Variants in ABHD6 observed in about 807,000 individuals in gnomAD.
ABHD6 encodes monoacylglycerol lipase ABHD6.
Under a neutral mutation model 38.8 loss-of-function variants are expected in ABHD6, and 33 were observed. The ratio of observed to expected loss-of-function variants is 0.85; its 90% confidence interval spans 0.64 to 1.14. ABHD6 has a LOEUF of 1.14. Among genes scored for constraint, ABHD6 ranks in the 50% most tolerant of loss-of-function variants. The pLI is 0.00. For synonymous variants in ABHD6, 147 were observed against 161.6 expected (o/e 0.91, Z 0.69); for missense variants, 380 against 422.6 (o/e 0.90, Z 0.88).
chr3:58,279,474 T>G (rs1423971795), intron 7 of ABHD6, among the ~76,000 whole-genome samples: 1 of 152,218 alleles, frequency 6.6e-6, no homozygotes, highest in Non-Finnish European at 1.5e-5. Context: ...CATCCCTTTA[T>G]TTTGAGCCTA....
Position 58,274,800 on chromosome 3 carries a change from C to T in ABHD6, c.666C>T (p.Phe222=), listed in dbSNP as rs2097447621. ...EMLQLCSYVR[F]KVPQQILQGL... ...TTCAGCTCTGCTCCTATGTCCGCTT[C>T]AAGGTGCCCCAGCAGGTAACGTGGT... Residue 222 remains phenylalanine, a synonymous_variant, in exon 7 of 10, where the codon TTC becomes TTT. Transcript: ENST00000478253. The T allele has an allele frequency of 1.2e-6, 2 of 1,613,826 alleles. No homozygotes were observed. Among genetic ancestry groups the T allele is most frequent in the African/African-American group, 2.7e-5 (2 of 74,942 alleles).
In ABHD6 at chr3:58,271,065, G is replaced by C. The variant is rs1163535970; in HGVS notation, c.523+1G>C. The C allele has an allele frequency of 6.3e-7, 1 of 1,594,406 alleles. No individual in the cohort carries two copies. The highest frequency in any genetic ancestry group is 8.5e-7 in the Non-Finnish European group (1 of 1,173,322). On this transcript the variant is annotated splice_donor_variant, in intron 6 of 9. Transcript: ENST00000478253. LOFTEE classifies it high-confidence loss of function. The stretch of plus-strand genomic sequence containing the variant: ...AGCCTGTGTCTCGTGTGTCCTGCTG[G>C]TAAGTTATGAAGCTGAAACATCCCT...
intron 3 of ABHD6, among the ~76,000 whole-genome samples, chr3:58,260,282 G>A (rs562041741): frequency 8.5e-5 from 13 of 152,340 alleles, no homozygotes; most frequent in African/African-American, 3.1e-4. Context: ...ACCCAGCTCA[G>A]TGCCGTGGCT....
rs983545946 is a variant in ABHD6, at chr3:58,293,298, T to C, written c.838-291T>C. The stretch of plus-strand genomic sequence containing the variant: ...CTGCTCATCCCCTGTGCTCTCTGAC[T>C]TCCCCACCATACCATAACCTCCTCA... On this transcript the variant is annotated intron_variant, in intron 9 of 9. Coordinates refer to ENST00000478253, the MANE Select transcript of ABHD6 (RefSeq NM_001320126.2). This position sits in a 1 kb window ranked among gnomAD's most constrained non-coding sequence, Gnocchi z 4.4. Among the ~76,000 whole-genome samples, 1 of 152,200 alleles carries C rather than the reference T, an allele frequency of 6.6e-6. No homozygotes were observed. Among genetic ancestry groups the C allele is most frequent in the Non-Finnish European group, 1.5e-5 (1 of 68,040 alleles).
intron 1 of ABHD6, among the ~76,000 whole-genome samples, chr3:58,249,052 T>C (rs775976421): frequency 1.3e-5 from 2 of 152,252 alleles, no homozygotes; most frequent in Non-Finnish European, 2.9e-5. Flanking sequence ...TTTGTTGTTA[T>C]TGGTCTTGAT....
chr3:58,257,755 T>C lies in ABHD6; in HGVS notation c.119+1050T>C, dbSNP rs1332706434. Among the ~76,000 whole-genome samples, 1 of 152,206 alleles carries C rather than the reference T, an allele frequency of 6.6e-6. No individual in the cohort carries two copies. Among genetic ancestry groups the C allele is most frequent in the African/African-American group, 2.4e-5 (1 of 41,442 alleles). ...AAAGACCAGAACCATTGAGATGGCA[T>C]GTTTAGGACAGAATGCTTTTAGAGT... On this transcript the variant is annotated intron_variant, in intron 3 of 9. Transcript: ENST00000478253. The surrounding 1 kb of genome is among the most constrained non-coding windows in gnomAD (Gnocchi z 4.8).
At position 58,293,467 on chromosome 3, in the gene ABHD6, A is replaced by G. The variant is rs1343573211; in HGVS notation, c.838-122A>G. 9.5e-7 allele frequency: 1 copy of G among 1,054,532 alleles called. No homozygotes were observed. The highest frequency in any genetic ancestry group is 2.7e-5 in the Admixed American group (1 of 36,880). The allele number at this position is 1,054,532 out of a possible 1,614,324, so 65.3% of individuals were successfully genotyped here. ...CCCAACACCAAAGGGACTTGGTCCT[A>G]AAATTCACATCCTCCTGCCCCACTG... On this transcript the variant is annotated intron_variant, in intron 9 of 9. Coordinates refer to ENST00000478253, the MANE Select transcript of ABHD6 (RefSeq NM_001320126.2). This position sits in a 1 kb window ranked among gnomAD's most constrained non-coding sequence, Gnocchi z 4.4.
intron 9 of ABHD6, among the ~76,000 whole-genome samples, chr3:58,290,151 G>T (rs2097460933): frequency 4.4e-5 from 5 of 113,618 alleles, no homozygotes; most frequent in East Asian, 3.0e-4. Flanking sequence ...GGACGGGGCG[G>T]CTGGCCGGGC....
intron 1 of ABHD6, among the ~76,000 whole-genome samples, chr3:58,243,518 C>G (rs2097424252): frequency 6.6e-6 from 1 of 151,702 alleles, no homozygotes; most frequent in Admixed American, 6.6e-5. Flanking sequence ...TGGGGGTAGA[C>G]AGAGGACGTC....
In ABHD6 at chr3:58,293,719, T is replaced by A; in HGVS notation, c.968T>A (p.Phe323Tyr). The A allele has an allele frequency of 6.2e-7, 1 of 1,614,176 alleles. No homozygotes were observed. The highest frequency in any genetic ancestry group is 8.5e-7 in the Non-Finnish European group (1 of 1,180,018). ...PRKTAKLIID[F>Y]LASVHNTDNN... ...AAGACAGCCAAGCTCATAATCGACT[T>A]TTTAGCTTCTGTGCACAACACAGAC... The change falls in exon 10 of 10, where the codon TTT (phenylalanine) becomes TAT (tyrosine). Residue 323 changes from phenylalanine to tyrosine, a missense_variant. Coordinates refer to ENST00000478253, the MANE Select transcript of ABHD6 (RefSeq NM_001320126.2). The surrounding 1 kb of genome is among the most constrained non-coding windows in gnomAD (Gnocchi z 4.4).
intron 1 of ABHD6, among the ~76,000 whole-genome samples, chr3:58,244,301 T>G (rs1014826754): frequency 6.6e-6 from 1 of 152,086 alleles, no homozygotes; most frequent in Non-Finnish European, 1.5e-5. Context: ...GAACACTCCT[T>G]TAGGGGAGAG....
intron 9 of ABHD6, among the ~76,000 whole-genome samples, chr3:58,290,488 T>A (rs1575534522): frequency 1.8e-5 from 2 of 109,546 alleles, no homozygotes; most frequent in East Asian, 3.6e-4. Context: ...CCCACCTCCC[T>A]CCCGGACGGG....
rs1339915428 is a variant in ABHD6 at position 58,263,746 on chromosome 3, CTG to C, written c.120-3441_120-3440del. ...CTTCCAGCTCTTCCATGATCTCACA[CTG>C]TACTTTGTATGAGAGTTATAGAGAA... On this transcript the variant is annotated intron_variant, in intron 3 of 9. Transcript: ENST00000478253. This position sits in a 1 kb window ranked among gnomAD's most constrained non-coding sequence, Gnocchi z 4.9. Among the ~76,000 whole-genome samples, 1 of 152,172 alleles carries C rather than the reference CTG, an allele frequency of 6.6e-6. No homozygotes were observed. Among genetic ancestry groups the C allele is most frequent in the Non-Finnish European group, 1.5e-5 (1 of 68,042 alleles).
chr3:58,271,431 C>T (rs556063852), intron 6 of ABHD6, among the ~76,000 whole-genome samples: 1 of 152,100 alleles, frequency 6.6e-6, no homozygotes, highest in South Asian at 2.1e-4. Flanking sequence ...TAACATCCAA[C>T]ATTTATCGGG....
At chr3:58,271,129 T>A (rs1316293460) in intron 6 of ABHD6, 65 bp downstream of exon 6, 1 of 1,512,856 alleles carries the variant, frequency 6.6e-7, no homozygotes, top group Non-Finnish European at 8.8e-7. Context: ...GTAGCTAGTG[T>A]CTGCTATGAC....
At chr3:58,283,064 G>A (rs2097454455) in intron 7 of ABHD6, among the ~76,000 whole-genome samples, 1 of 152,194 alleles carries the variant, frequency 6.6e-6, no homozygotes, top group African/African-American at 2.4e-5. Context: ...GACCCTGCCT[G>A]GAGGTGGGCA....
At position 58,266,686 on chromosome 3, in the gene ABHD6, A is replaced by G. The variant is rs528805790; in HGVS notation, c.120-503A>G. On this transcript the variant is annotated intron_variant, in intron 3 of 9. Transcript: ENST00000478253. This position sits in a 1 kb window ranked among gnomAD's most constrained non-coding sequence, Gnocchi z 4.0. Reference sequence around the variant, plus strand: ...ATCTCTCATCTTGGAGGGATTCACCATGCAGAGAGTTCAATTTGTTTAGAT... The same window carrying G: ...ATCTCTCATCTTGGAGGGATTCACCGTGCAGAGAGTTCAATTTGTTTAGAT... 3.3e-5 allele frequency among the ~76,000 whole-genome samples: 5 copies of G among 152,176 alleles called. No homozygotes were observed. The highest frequency in any genetic ancestry group is 1.3e-4 in the Admixed American group (2 of 15,274).
chr3:58,285,412 A>G lies in ABHD6; in HGVS notation c.796A>G (p.Ile266Val), dbSNP rs1559783833. 9.9e-6 allele frequency: 16 copies of G among 1,614,166 alleles called. No individual in the cohort carries two copies. The highest frequency in any genetic ancestry group is 1.4e-5 in the Non-Finnish European group (16 of 1,179,986). Reference sequence around the variant, plus strand: ...CTCTCTCCATCAGAACATGGACAAGATCAAGGTTCCGACGCAGATCATCTG... The same window carrying G: ...CTCTCTCCATCAGAACATGGACAAGGTCAAGGTTCCGACGCAGATCATCTG... ...RYSLHQNMDK[I>V]KVPTQIIWGK... Residue 266 changes from isoleucine to valine, a missense_variant, in exon 9 of 10, where the codon ATC (isoleucine) becomes GTC (valine). Transcript: ENST00000478253. The surrounding 1 kb of genome is among the most constrained non-coding windows in gnomAD (Gnocchi z 4.9).
intron 9 of ABHD6, among the ~76,000 whole-genome samples, chr3:58,292,860 G>C (rs2097464227): frequency 6.6e-6 from 1 of 152,192 alleles, no homozygotes; most frequent in African/African-American, 2.4e-5. Context: ...AGGTTGCAGT[G>C]AGTTGAGATC....
Sources: gnomAD v4.1 joint callset for allele counts (sites outside exome capture counted in the v4.1 genomes callset) on GRCh38, gnomAD v4.1.1 for gene constraint, Gnocchi (gnomAD v3.1) non-coding constraint, MANE v1.5 for transcripts, NCBI Gene and HGNC (gene_info 2026-07-23, HGNC 2026-07-21) for gene names.